The following NADSYN1 variants were observed in gnomAD, a reference collection of about 807,000 sequenced individuals.
NADSYN1 encodes the protein glutamine-dependent NAD(+) synthetase.
NADSYN1 carries 80 observed loss-of-function variants against 99.3 expected under a neutral mutation model. That is an observed-to-expected ratio of 0.81 (90% CI 0.67 to 0.97). The LOEUF (loss-of-function observed/expected upper bound fraction) is 0.97. NADSYN1 is among the 50% of genes least tolerant of loss of function. The pLI, the probability that NADSYN1 is intolerant of heterozygous loss-of-function variation, is 0.00. For missense variants in NADSYN1, 859 were observed against 948.5 expected, an observed-to-expected ratio of 0.91 and a Z score of 1.24; for synonymous variants, 385 against 372.1, an observed-to-expected ratio of 1.03 and a Z score of -0.40.
chr11:71,491,011 CG>C lies in NADSYN1; in HGVS notation c.1694+39del. 5 of 1,612,166 alleles carry C rather than the reference CG, an allele frequency of 3.1e-6. No individual in the cohort carries two copies. In the South Asian group the frequency reaches 5.5e-5, roughly 18 times the overall value. On this transcript the variant is annotated intron_variant, in intron 17 of 20. Coordinates refer to ENST00000319023, the MANE Select transcript of NADSYN1 (RefSeq NM_018161.5). ...CTCACGGGCTGTGGCTCCACAGCCA[CG>C]GGGCTCCTCTCCCAGCACGGCCCCG... is the stretch of plus-strand genomic sequence containing the variant.
At chr11:71,464,605 C>G (rs895043096) in intron 5 of NADSYN1, 1 of 153,096 alleles carries the variant, frequency 6.5e-6, no homozygotes. Context: ...CGGTGGCTCA[C>G]GCCTGTAATC....
At chr11:71,465,564 C>T (rs779245287) in intron 5 of NADSYN1, among the ~76,000 whole-genome samples, 1 of 152,188 alleles carries the variant, frequency 6.6e-6, no homozygotes, top group Non-Finnish European at 1.5e-5. Context: ...CATGGGGCGT[C>T]GGCCATGTGC....
chr11:71,483,027 G>T lies in NADSYN1; in HGVS notation c.1319+10G>T. 1 of 1,611,616 alleles carries T rather than the reference G, an allele frequency of 6.2e-7. No individual in the cohort carries two copies. The highest frequency in any genetic ancestry group is 8.5e-7 in the Non-Finnish European group (1 of 1,179,476). On this transcript the variant is annotated intron_variant, in intron 14 of 20. Coordinates refer to ENST00000319023, the MANE Select transcript of NADSYN1 (RefSeq NM_018161.5). ...CCCAGCAGATTGGAAGGTAGAGTTG[G>T]TCCCTGGTATTGGGCATGGCAGGTG...
intron 9 of NADSYN1, chr11:71,477,335 T>G: frequency 7.8e-7 from 1 of 1,289,452 alleles, no homozygotes. Context: ...CGTGGCTTTC[T>G]GCATGGAAGC....
At chr11:71,498,323 A>T in intron 19 of NADSYN1, 29 bp from the exon 20 acceptor site, 1 of 1,612,556 alleles carries the variant, frequency 6.2e-7, no homozygotes, top group Non-Finnish European at 8.5e-7. Flanking sequence ...TTTTGGTAAC[A>T]TGAAGCTCGT....
chr11:71,472,382 A>G, intron 5 of NADSYN1, 67 bp from the exon 6 acceptor site: 1 of 1,343,566 alleles, frequency 7.4e-7, no homozygotes, highest in Non-Finnish European at 1.1e-6. Flanking sequence ...TTTTGTTTAA[A>G]TGTAGCCGCC....
intron 19 of NADSYN1, 36 bp from the exon 20 acceptor site, chr11:71,498,316 T>C (rs774525639): frequency 5.0e-6 from 8 of 1,610,764 alleles, no homozygotes; most frequent in Non-Finnish European, 6.8e-6. Context: ...TCTCCAGTTT[T>C]GGTAACATGA....
chr11:71,481,010 C>T lies in NADSYN1; in HGVS notation c.998+131C>T, dbSNP rs975830493. 14 of 1,321,898 alleles carry T rather than the reference C, an allele frequency of 1.1e-5. No individual in the cohort carries two copies. In the African/African-American group the frequency reaches 1.8e-4, roughly 17 times the overall value. The allele number at this position is 1,321,898 out of a possible 1,614,324, so 81.9% of individuals were successfully genotyped here. On this transcript the variant is annotated intron_variant, in intron 11 of 20. Transcript: ENST00000319023. ...TGGGGACTTGCAGAAGGCAACTGTG[C>T]ATCCCCTGGGTTGAGGGCGTGGATG... is the stretch of plus-strand genomic sequence containing the variant.
intron 15 of NADSYN1, 89 bp downstream of exon 15, chr11:71,484,536 G>A: frequency 6.8e-7 from 1 of 1,480,744 alleles, no homozygotes. Context: ...GCCCCCACCT[G>A]GGCCATCGTC....
intron 5 of NADSYN1, among the ~76,000 whole-genome samples, chr11:71,469,079 A>G (rs1002850009): frequency 2.0e-5 from 3 of 152,244 alleles, no homozygotes; most frequent in African/African-American, 7.2e-5. Flanking sequence ...AGTTTCCATA[A>G]GAATCTGAAC....
chr11:71,482,979 G>T lies in NADSYN1; in HGVS notation c.1281G>T (p.Thr427=), dbSNP rs376665704. Residue 427 remains threonine, a synonymous_variant, in exon 14 of 21, where the codon ACG becomes ACT. Transcript: ENST00000319023. ...YMASKNSSQE[T]CTRARELAQQ... is the part of the protein sequence containing the mutation. ...CCAGCAAGAACTCCTCCCAGGAGACGTGCACCCGGGCCAGAGAGTTGGCCC... is the reference window on the plus strand; with the variant it reads ...CCAGCAAGAACTCCTCCCAGGAGACTTGCACCCGGGCCAGAGAGTTGGCCC... The T allele has an allele frequency of 1.9e-6, 3 of 1,612,458 alleles. No homozygotes were observed. Among genetic ancestry groups the T allele is most frequent in the African/African-American group, 1.3e-5 (1 of 74,816 alleles).
At chr11:71,470,416 C>T (rs910188068) in intron 5 of NADSYN1, among the ~76,000 whole-genome samples, 4 of 152,254 alleles carry the variant, frequency 2.6e-5, no homozygotes, top group Admixed American at 6.5e-5. Flanking sequence ...GAGCAGCGCA[C>T]GCTGGGGGCT....
intron 2 of NADSYN1, chr11:71,455,576 G>A: frequency 5.5e-6 from 1 of 181,732 alleles, no homozygotes; most frequent in Non-Finnish European, 1.2e-5. Context: ...AGTGGAGCCT[G>A]CATGAATGGG....
At chr11:71,487,118 T>C (rs902547497) in intron 16 of NADSYN1, among the ~76,000 whole-genome samples, 3 of 152,234 alleles carry the variant, frequency 2.0e-5, no homozygotes, top group Admixed American at 1.3e-4. Context: ...TGCAGATGTG[T>C]TCTCTTTTAA....
intron 9 of NADSYN1, chr11:71,475,499 T>C (rs1949659216): frequency 1.3e-5 from 2 of 153,424 alleles, no homozygotes; most frequent in Non-Finnish European, 2.9e-5. Context: ...CACCAGCAAC[T>C]GAGCTGCCGC....
At chr11:71,482,647 G>A (rs1399434241) in intron 13 of NADSYN1, 15 of 416,948 alleles carry the variant, frequency 3.6e-5, no homozygotes, top group African/African-American at 7.7e-5. Context: ...GGGTGGAGCC[G>A]CACAGGCACC....
chr11:71,463,366 C>A (rs1396240750), intron 3 of NADSYN1, 66 bp from the exon 4 acceptor site: 4 of 1,409,938 alleles, frequency 2.8e-6, no homozygotes, highest in Non-Finnish European at 4.0e-6. Flanking sequence ...GCTGCAGCCG[C>A]TGCCTCCATG....
chr11:71,500,382 A>AC (rs11451410), intron 20 of NADSYN1, among the ~76,000 whole-genome samples: 123,911 of 152,046 alleles, frequency 0.81, 50,956 homozygotes, highest in Non-Finnish European at 0.86. Flanking sequence ...GGGACCGTTG[A>AC]CCCCCCGAGG....
At chr11:71,493,646 G>C (rs1949799178) in intron 18 of NADSYN1, among the ~76,000 whole-genome samples, 1 of 152,112 alleles carries the variant, frequency 6.6e-6, no homozygotes, top group Non-Finnish European at 1.5e-5. Flanking sequence ...TTTATAATTA[G>C]ATCCGTGACC....
Sources: allele counts gnomAD v4.1 joint callset (sites outside exome capture counted in the v4.1 genomes callset), GRCh38; gene constraint gnomAD v4.1.1; transcripts MANE v1.5; gene names NCBI Gene and HGNC (gene_info 2026-07-23, HGNC 2026-07-21).